The following CLOCK variants were observed in gnomAD, a reference collection of about 807,000 sequenced individuals.
CLOCK encodes the protein clock circadian regulator, also known as circadian locomoter output cycles protein kaput.
In CLOCK, 43 loss-of-function variants were observed where a neutral mutation model predicts 118.4. The ratio of observed to expected loss-of-function variants is 0.36; its 90% CI spans 0.28 to 0.47. CLOCK has a LOEUF of 0.47. CLOCK is among the 20% of genes least tolerant of loss of function. CLOCK has a pLI of 1.00. For synonymous variants in CLOCK, 326 were observed against 339.2 expected, an observed-to-expected ratio of 0.96 and a Z score of 0.43; for missense variants, 846 against 999.9, an observed-to-expected ratio of 0.85 and a Z score of 2.08.
intron 2 of CLOCK, among the ~76,000 whole-genome samples, chr4:55,491,703 T>C (rs180830996): frequency 4.6e-5 from 7 of 152,242 alleles, no homozygotes; most frequent in African/African-American, 9.6e-5. Flanking sequence ...CAGATGTTCA[T>C]TGACAGTACA....
At chr4:55,464,558 A>T (rs929936360) in intron 8 of CLOCK, among the ~76,000 whole-genome samples, 1 of 152,200 alleles carries the variant, frequency 6.6e-6, no homozygotes, top group African/African-American at 2.4e-5. Context: ...AATCCTAGGG[A>T]TGCTGAGACA....
chr4:55,521,603 A>G (rs1458337989), intron 1 of CLOCK, among the ~76,000 whole-genome samples: 2 of 152,206 alleles, frequency 1.3e-5, no homozygotes, highest in Non-Finnish European at 2.9e-5. Flanking sequence ...CTATGGTTAT[A>G]CCATACCACG....
intron 1 of CLOCK, among the ~76,000 whole-genome samples, chr4:55,518,196 A>G (rs1425713448): frequency 4.6e-5 from 7 of 152,178 alleles, no homozygotes; most frequent in Admixed American, 4.6e-4. Flanking sequence ...TAATGTCAGG[A>G]TATGAAGAGA....
At chr4:55,517,705 C>T (rs1245721929) in intron 1 of CLOCK, among the ~76,000 whole-genome samples, 1 of 152,050 alleles carries the variant, frequency 6.6e-6, no homozygotes, top group African/African-American at 2.4e-5. Context: ...GTAGATTAGA[C>T]TCTGCAGTGA....
At chr4:55,507,000 G>A (rs542645544) in intron 2 of CLOCK, among the ~76,000 whole-genome samples, 1 of 152,174 alleles carries the variant, frequency 6.6e-6, no homozygotes, top group South Asian at 2.1e-4. Flanking sequence ...TTTGGCCAAT[G>A]ATTTGATTGG....
intron 1 of CLOCK, among the ~76,000 whole-genome samples, chr4:55,545,052 C>CTTTTTT (rs34291520): frequency 0.037 from 5,344 of 144,576 alleles, 113 homozygotes; most frequent in Non-Finnish European, 0.055. Context: ...TTCAGGCTAA[C>CTTTTTT]TTTTTTTTTT....
intron 1 of CLOCK, among the ~76,000 whole-genome samples, chr4:55,510,752 G>C (rs1216707188): frequency 1.3e-5 from 2 of 151,944 alleles, no homozygotes; most frequent in Non-Finnish European, 2.9e-5. Flanking sequence ...TTGTCCAAAG[G>C]GAACAGTGTG....
At chr4:55,544,306 T>C (rs563230506) in intron 1 of CLOCK, among the ~76,000 whole-genome samples, 58 of 152,220 alleles carry the variant, frequency 3.8e-4, no homozygotes, top group Non-Finnish European at 7.5e-4. Flanking sequence ...ACTAGCACTT[T>C]AAGGGAATGT....
At chr4:55,479,349 G>T (rs954065539) in intron 5 of CLOCK, among the ~76,000 whole-genome samples, 1 of 151,998 alleles carries the variant, frequency 6.6e-6, no homozygotes, top group Non-Finnish European at 1.5e-5. Flanking sequence ...CAGCTATTGA[G>T]AAAAACTTGA....
rs1450194449 is a variant in CLOCK, at chr4:55,428,609, T to C, written c.*6806A>G. On this transcript the variant is annotated 3_prime_UTR_variant, in exon 23 of 23. Transcript: ENST00000513440. ...ATTAGCCGTTTTTAGCTCCACCGTT[T>C]TGGAAGTAAAAATGATGAGCTACAT... is the stretch of plus-strand genomic sequence containing the variant. The C allele has an allele frequency of 6.6e-6, 1 of 152,140 alleles. No individual in the cohort carries two copies. Among genetic ancestry groups the C allele is most frequent in the Non-Finnish European group, 1.5e-5 (1 of 68,024 alleles). 9.4% of individuals were successfully genotyped at this position (152,140 alleles called of 1,614,324 possible).
At chr4:55,504,785 A>AT (rs913509121) in intron 2 of CLOCK, among the ~76,000 whole-genome samples, 3 of 152,172 alleles carry the variant, frequency 2.0e-5, no homozygotes, top group African/African-American at 7.2e-5. Flanking sequence ...TTTGCATTGT[A>AT]TTTTTTACAT....
At chr4:55,533,559 CA>C (rs1478255030) in intron 1 of CLOCK, among the ~76,000 whole-genome samples, 6 of 152,108 alleles carry the variant, frequency 3.9e-5, no homozygotes, top group Middle Eastern at 3.2e-3. Flanking sequence ...GAAAGTAATT[CA>C]AACCATATCA....
intron 1 of CLOCK, among the ~76,000 whole-genome samples, chr4:55,520,917 C>T (rs539023898): frequency 2.0e-5 from 3 of 152,326 alleles, no homozygotes; most frequent in Non-Finnish European, 4.4e-5. Context: ...CCTATAACAA[C>T]TCCTTTGTGA....
chr4:55,459,070 T>C (rs1199094323), intron 10 of CLOCK, 60 bp from the exon 11 acceptor site: 26 of 1,483,106 alleles, frequency 1.8e-5, no homozygotes, highest in Non-Finnish European at 2.5e-5. Flanking sequence ...TTGTCACTGA[T>C]ATTCAAACAT....
chr4:55,503,871 A>C (rs1263313525), intron 2 of CLOCK, among the ~76,000 whole-genome samples: 1 of 151,008 alleles, frequency 6.6e-6, no homozygotes, highest in Non-Finnish European at 1.5e-5. Flanking sequence ...AAACTAGAAA[A>C]TTGTAACACT....
intron 1 of CLOCK, among the ~76,000 whole-genome samples, chr4:55,521,019 T>C (rs1729815488): frequency 6.6e-6 from 1 of 152,224 alleles, no homozygotes; most frequent in Non-Finnish European, 1.5e-5. Context: ...CCTACATACA[T>C]CAAATTTTGT....
intron 2 of CLOCK, among the ~76,000 whole-genome samples, chr4:55,502,090 A>G (rs1320328989): frequency 6.6e-6 from 1 of 152,234 alleles, no homozygotes; most frequent in South Asian, 2.1e-4. Flanking sequence ...GTAAGAAGGC[A>G]TACAACCTTG....
At chr4:55,542,985 C>T (rs913511829) in intron 1 of CLOCK, among the ~76,000 whole-genome samples, 3 of 152,166 alleles carry the variant, frequency 2.0e-5, no homozygotes, top group Non-Finnish European at 4.4e-5. Context: ...GGGTGTCACT[C>T]TGTCACCAAG....
At chr4:55,484,191 T>TC (rs1727134240) in intron 3 of CLOCK, among the ~76,000 whole-genome samples, 2 of 151,830 alleles carry the variant, frequency 1.3e-5, no homozygotes, top group African/African-American at 4.8e-5. Flanking sequence ...CAGAATATTT[T>TC]TTTTTCTTTT....
Sources: allele counts gnomAD v4.1 joint callset (sites outside exome capture counted in the v4.1 genomes callset), GRCh38; gene constraint gnomAD v4.1.1; transcripts MANE v1.5; gene names NCBI Gene and HGNC (gene_info 2026-07-23, HGNC 2026-07-21).